The following GRK4 variants were observed in gnomAD, a reference collection of about 807,000 sequenced individuals.
GRK4 encodes the protein G protein-coupled receptor kinase 2-like.
GRK4 carries 73 observed loss-of-function variants against 77.9 expected under a neutral mutation model. The ratio of observed to expected loss-of-function variants is 0.94; its 90% CI spans 0.78 to 1.14. The LOEUF is 1.14. Ranked by LOEUF, GRK4 falls within the 50% of genes most tolerant of loss-of-function variation. The pLI is 0.00. For missense variants in GRK4, 729 were observed against 700.2 expected (o/e 1.04, Z -0.46); for synonymous variants, 257 against 254.4 (o/e 1.01, Z -0.10).
At chr4:3,036,239 G>T (rs532155140) in intron 13 of GRK4, among the ~76,000 whole-genome samples, 2 of 152,310 alleles carry the variant, frequency 1.3e-5, no homozygotes, top group East Asian at 3.9e-4. Flanking sequence ...TTCTCATGAG[G>T]TCCTGGGACT....
In GRK4 at chr4:2,992,202, T is replaced by C. The variant is rs1726406048; in HGVS notation, c.262-13T>C. 6.3e-7 allele frequency: 1 copy of C among 1,593,498 alleles called. No individual in the cohort carries two copies. The highest frequency in any genetic ancestry group is 1.1e-5 in the South Asian group (1 of 90,738). On this transcript the variant is annotated splice_polypyrimidine_tract_variant and intron_variant, in intron 3 of 15. Coordinates refer to ENST00000398052, the MANE Select transcript of GRK4 (RefSeq NM_182982.3). ...CTTAACTGTTCTTTCTTTTCTTCCA[T>C]CTCTCCAATCAGGCAGAATATGAAG...
intron 2 of GRK4, 77 bp from the exon 3 acceptor site, chr4:2,988,650 A>G (rs1435134971): frequency 1.3e-6 from 1 of 771,914 alleles, no homozygotes; most frequent in African/African-American, 1.7e-5. Context: ...TCGAGTGAGA[A>G]CTGTAAGGCT....
intron 8 of GRK4, among the ~76,000 whole-genome samples, chr4:3,016,230 A>T (rs1033033502): frequency 3.4e-4 from 51 of 149,608 alleles, no homozygotes; most frequent in Admixed American, 8.0e-4. Context: ...AATTTTTTTT[A>T]AAAGGCCAGG....
At chr4:2,972,660 G>A (rs1719923621) in intron 1 of GRK4, among the ~76,000 whole-genome samples, 1 of 152,120 alleles carries the variant, frequency 6.6e-6, no homozygotes, top group Non-Finnish European at 1.5e-5. Context: ...GTCATATGTG[G>A]CGGGGGCGGA....
At position 3,028,368 on chromosome 4, in the gene GRK4, G is replaced by A. The variant is rs530747051; in HGVS notation, c.1060+367G>A. Among the ~76,000 whole-genome samples the A allele has an allele frequency of 3.3e-4, 51 of 152,312 alleles. 1 individual carries two copies. In the South Asian group the frequency reaches 8.1e-3, roughly 24 times the overall value. On this transcript the variant is annotated intron_variant, in intron 11 of 15. Coordinates refer to ENST00000398052, the MANE Select transcript of GRK4 (RefSeq NM_182982.3). ...CCCACTCTGGTTATTCCAAAGATCC[G>A]GGGGCAGTGCCAGCCAACCCCCAGG... is the stretch of plus-strand genomic sequence containing the variant.
intron 2 of GRK4, chr4:2,986,792 C>A: frequency 3.2e-6 from 1 of 311,942 alleles, no homozygotes; most frequent in Non-Finnish European, 6.5e-6. Context: ...ACAAACCAAT[C>A]CATCTTTCCT....
intron 9 of GRK4, among the ~76,000 whole-genome samples, chr4:3,021,968 G>A (rs1390263909): frequency 1.3e-5 from 2 of 152,154 alleles, no homozygotes; most frequent in Admixed American, 6.5e-5. Context: ...ATGAATGACC[G>A]ATGGTCCCAG....
At chr4:3,037,687 C>T (rs1741166657) in intron 14 of GRK4, among the ~76,000 whole-genome samples, 176 bp downstream of exon 14, 1 of 152,106 alleles carries the variant, frequency 6.6e-6, no homozygotes, top group South Asian at 2.1e-4. Context: ...GAGGCTGAGG[C>T]AGGCAGATCA....
Position 3,028,022 on chromosome 4 carries a change from G to C in GRK4, c.1060+21G>C, listed in dbSNP as rs373210200. ...CATGGGTTCGTGAGAGGCTTTCGGCGTCCTTGTCCTTTCTATCCGGGTGCC... is the reference window on the plus strand; with the variant it reads ...CATGGGTTCGTGAGAGGCTTTCGGCCTCCTTGTCCTTTCTATCCGGGTGCC... On this transcript the variant is annotated intron_variant, in intron 11 of 15. Coordinates refer to ENST00000398052, the MANE Select transcript of GRK4 (RefSeq NM_182982.3). 3.1e-6 allele frequency: 5 copies of C among 1,606,682 alleles called. No homozygotes were observed. In the East Asian group the frequency reaches 1.1e-4, roughly 36 times the overall value.
intron 3 of GRK4, among the ~76,000 whole-genome samples, chr4:2,991,643 C>G (rs1160413522): frequency 6.6e-6 from 1 of 152,128 alleles, no homozygotes; most frequent in Non-Finnish European, 1.5e-5. Flanking sequence ...TCTTGAGTAG[C>G]TAGGATTACA....
rs538499746 is a variant in GRK4, at chr4:2,993,097, A to G, written c.339+805A>G. On this transcript the variant is annotated intron_variant, in intron 4 of 15. Transcript: ENST00000398052. ...GAGGAAACTAACAATTAGATCTCTT[A>G]GAAAATTGATTCAGTGTATTTAAAG... is the stretch of plus-strand genomic sequence containing the variant. Among the ~76,000 whole-genome samples, 43 of 144,104 alleles carry G rather than the reference A, an allele frequency of 3.0e-4. 1 individual carries two copies. In the South Asian group the frequency reaches 7.8e-3, roughly 26 times the overall value. 94.5% of individuals were successfully genotyped at this position (144,104 alleles called of 152,430 possible).
chr4:2,996,300 A>G (rs547027699), intron 4 of GRK4, among the ~76,000 whole-genome samples: 1 of 152,194 alleles, frequency 6.6e-6, no homozygotes, highest in Non-Finnish European at 1.5e-5. Context: ...CACGCCTGTA[A>G]TCCCAGCACT....
intron 1 of GRK4, among the ~76,000 whole-genome samples, chr4:2,972,288 G>A (rs908004327): frequency 2.0e-5 from 3 of 152,100 alleles, no homozygotes; most frequent in Admixed American, 6.6e-5. Flanking sequence ...CGTTGACCTC[G>A]CCATGGCCCC....
intron 13 of GRK4, 67 bp from the exon 14 acceptor site, chr4:3,037,307 T>G: frequency 6.8e-7 from 1 of 1,471,642 alleles, no homozygotes; most frequent in Non-Finnish European, 9.2e-7. Flanking sequence ...CGTTTCATTC[T>G]TGGGAACTGA....
intron 12 of GRK4, among the ~76,000 whole-genome samples, chr4:3,031,115 C>A (rs1343381891): frequency 1.3e-5 from 2 of 152,062 alleles, no homozygotes; most frequent in Non-Finnish European, 2.9e-5. Context: ...GGGAAGGGGG[C>A]ACTCGCTGGA....
At chr4:3,010,330 G>A (rs1195960225) in intron 7 of GRK4, among the ~76,000 whole-genome samples, 1 of 152,040 alleles carries the variant, frequency 6.6e-6, no homozygotes, top group East Asian at 1.9e-4. Context: ...GAGTTCAAGC[G>A]ATTCTCCTGC....
Position 3,019,737 on chromosome 4 carries a change from G to C in GRK4, c.838G>C (p.Gly280Arg). Residue 280 changes from glycine to arginine, a missense_variant, in exon 9 of 16, where the codon GGC (glycine) becomes CGC (arginine). Coordinates refer to ENST00000398052, the MANE Select transcript of GRK4 (RefSeq NM_182982.3). ...TTTGAAGTTTCACATTTACAACCTG[G>C]GCAATCCCGGCTTTGATGAGCAGAG... is the stretch of plus-strand genomic sequence containing the variant. ...GDLKFHIYNL[G>R]NPGFDEQRAV... 1 of 1,614,170 alleles carries C rather than the reference G, an allele frequency of 6.2e-7. No homozygotes were observed. The highest frequency in any genetic ancestry group is 1.1e-5 in the South Asian group (1 of 91,080).
At chr4:3,013,967 T>G in intron 8 of GRK4, 139 bp downstream of exon 8, 1 of 880,422 alleles carries the variant, frequency 1.1e-6, no homozygotes, top group Admixed American at 3.0e-5. Context: ...GGTTTGCTCT[T>G]TTTAGTAACA....
At chr4:3,008,793 A>G (rs562152275) in intron 6 of GRK4, among the ~76,000 whole-genome samples, 30 of 144,918 alleles carry the variant, frequency 2.1e-4, no homozygotes, top group Admixed American at 1.7e-3. Context: ...ACACAGCAAG[A>G]CTCTGTCTCA....
Sources: gnomAD v4.1 joint callset for allele counts (sites outside exome capture counted in the v4.1 genomes callset) on GRCh38, gnomAD v4.1.1 for gene constraint, MANE v1.5 for transcripts, NCBI Gene and HGNC (gene_info 2026-07-23, HGNC 2026-07-21) for gene names.